Variants in LRRC4C observed in about 807,000 individuals in gnomAD.
LRRC4C encodes the protein leucine-rich repeat-containing protein 4C.
Under a neutral mutation model 33.6 loss-of-function variants are expected in LRRC4C, and 5 were observed. The observed-to-expected ratio is 0.15, with a 90% CI of 0.08 to 0.31. The LOEUF (loss-of-function observed/expected upper bound fraction) is 0.31, where lower values mean the gene tolerates loss of function less well. Among genes scored for constraint, LRRC4C ranks in the 10% least tolerant of loss-of-function variants. LRRC4C has a pLI of 1.00. For missense variants in LRRC4C, 560 were observed against 796.7 expected (o/e 0.70, Z 3.58); for synonymous variants, 329 against 302.0 (o/e 1.09, Z -0.93).
At chr11:41,137,172 C>A (rs931933443) in intron 1 of LRRC4C, among the ~76,000 whole-genome samples, 7 of 151,966 alleles carry the variant, frequency 4.6e-5, no homozygotes, top group African/African-American at 7.3e-5. Flanking sequence ...TGCTTGAACC[C>A]AGGAGGTCGC....
chr11:40,143,930 A>C (rs1167521607), intron 5 of LRRC4C, among the ~76,000 whole-genome samples: 4 of 152,174 alleles, frequency 2.6e-5, no homozygotes, highest in Admixed American at 2.0e-4. Context: ...GCCTTCCTTG[A>C]GGGCTTTTCT....
chr11:40,380,499 T>A (rs951532485), intron 3 of LRRC4C, among the ~76,000 whole-genome samples: 3 of 152,156 alleles, frequency 2.0e-5, no homozygotes, highest in Admixed American at 2.0e-4. Flanking sequence ...GTGTACTTAG[T>A]TCTTAATACT....
intron 2 of LRRC4C, among the ~76,000 whole-genome samples, chr11:40,660,464 T>G (rs1196928718): frequency 6.6e-6 from 1 of 152,214 alleles, no homozygotes; most frequent in Non-Finnish European, 1.5e-5. Context: ...TGCAGCCTTA[T>G]TAATGCATGG....
At chr11:40,841,560 C>T (rs1219774372) in intron 2 of LRRC4C, among the ~76,000 whole-genome samples, 1 of 152,168 alleles carries the variant, frequency 6.6e-6, no homozygotes, top group African/African-American at 2.4e-5. Flanking sequence ...CTTGAGGACA[C>T]AGCAAGAAGG....
chr11:41,368,287 A>G (rs892244337), intron 1 of LRRC4C, among the ~76,000 whole-genome samples: 4 of 152,162 alleles, frequency 2.6e-5, no homozygotes, highest in Non-Finnish European at 4.4e-5. Flanking sequence ...ATCCTGAGCA[A>G]TCAGTGTCCA....
chr11:40,735,987 C>G (rs59717939), intron 2 of LRRC4C, among the ~76,000 whole-genome samples: 2 of 147,462 alleles, frequency 1.4e-5, no homozygotes, highest in Admixed American at 6.8e-5. Flanking sequence ...ATGTCCTTCG[C>G]CCACTTATTG....
intron 3 of LRRC4C, among the ~76,000 whole-genome samples, chr11:40,452,478 G>A (rs1357298801): frequency 2.0e-5 from 3 of 152,136 alleles, no homozygotes; most frequent in Admixed American, 1.3e-4. Flanking sequence ...AAACCACAAT[G>A]AGATACCATC....
chr11:40,905,083 C>T (rs1232253590), intron 2 of LRRC4C, among the ~76,000 whole-genome samples: 1 of 152,090 alleles, frequency 6.6e-6, no homozygotes, highest in Non-Finnish European at 1.5e-5. Flanking sequence ...TGAAGTTGTA[C>T]AGGAGTGTAT....
At chr11:41,251,298 C>A (rs1948630264) in intron 1 of LRRC4C, among the ~76,000 whole-genome samples, 2 of 152,192 alleles carry the variant, frequency 1.3e-5, no homozygotes, top group African/African-American at 4.8e-5. Flanking sequence ...ACAAACTCTT[C>A]TAAATCTCAT....
At chr11:41,007,531 C>A (rs1854845511) in intron 1 of LRRC4C, among the ~76,000 whole-genome samples, 1 of 151,948 alleles carries the variant, frequency 6.6e-6, no homozygotes, top group African/African-American at 2.4e-5. Context: ...CTAGGAATTT[C>A]TCCTATAGAT....
intron 2 of LRRC4C, among the ~76,000 whole-genome samples, chr11:40,881,250 G>A (rs1383550015): frequency 6.6e-6 from 1 of 152,022 alleles, no homozygotes; most frequent in Non-Finnish European, 1.5e-5. Context: ...AGGAGGGACT[G>A]TTTTCTCTCC....
At chr11:40,558,753 A>G (rs1180174297) in intron 3 of LRRC4C, among the ~76,000 whole-genome samples, 1 of 152,098 alleles carries the variant, frequency 6.6e-6, no homozygotes, top group African/African-American at 2.4e-5. Flanking sequence ...TTTTTCTTAC[A>G]TGGGTAAACA....
Position 40,882,224 on chromosome 11 carries a change from A to T in LRRC4C, c.-407+51411T>A, listed in dbSNP as rs536672375. ...CAACCCCACAAGTGATCATCTGGAA[A>T]CAACAATTTGCTCATGTTATTTCTA... On this transcript the variant is annotated intron_variant, in intron 2 of 6. Coordinates refer to ENST00000528697, the MANE Select transcript of LRRC4C (RefSeq NM_001258419.2). Among the ~76,000 whole-genome samples, 18 of 152,212 alleles carry T rather than the reference A, an allele frequency of 1.2e-4. No homozygotes were observed. The South Asian group carries it at 3.5e-3, about 30-fold the overall frequency.
chr11:40,391,262 C>T (rs7940274), intron 3 of LRRC4C, among the ~76,000 whole-genome samples: 48,689 of 151,970 alleles, frequency 0.32, 9,244 homozygotes, highest in South Asian at 0.47. Flanking sequence ...ATACTCAGTA[C>T]GTAGTTGTTG....
At chr11:40,677,420 T>C (rs1319997036) in intron 2 of LRRC4C, among the ~76,000 whole-genome samples, 1 of 152,092 alleles carries the variant, frequency 6.6e-6, no homozygotes, top group Admixed American at 6.6e-5. Context: ...TATGAACATA[T>C]ATTAGATGTG....
chr11:40,998,405 T>C (rs546068274), intron 1 of LRRC4C, among the ~76,000 whole-genome samples: 24 of 152,188 alleles, frequency 1.6e-4, no homozygotes, highest in East Asian at 7.8e-4. Flanking sequence ...GTTCTAAATC[T>C]GGGATCTAAT....
At chr11:40,612,234 G>A (rs926806805) in intron 3 of LRRC4C, among the ~76,000 whole-genome samples, 1 of 151,846 alleles carries the variant, frequency 6.6e-6, no homozygotes, top group Non-Finnish European at 1.5e-5. Context: ...CTTATCAGCT[G>A]CTACTACATT....
chr11:40,614,069 T>G (rs1313111642), intron 3 of LRRC4C, among the ~76,000 whole-genome samples: 1 of 151,802 alleles, frequency 6.6e-6, no homozygotes, highest in East Asian at 1.9e-4. Flanking sequence ...GGCTTCAACT[T>G]AAGTCACCAG....
chr11:41,427,232 T>TA (rs1427154086), intron 1 of LRRC4C, among the ~76,000 whole-genome samples: 1 of 152,272 alleles, frequency 6.6e-6, no homozygotes, highest in East Asian at 1.9e-4. Flanking sequence ...GGAAGTTTAT[T>TA]AATTTGTTCA....
Sources: allele counts gnomAD v4.1 joint callset (sites outside exome capture counted in the v4.1 genomes callset), GRCh38; gene constraint gnomAD v4.1.1; transcripts MANE v1.5; gene names NCBI Gene and HGNC (gene_info 2026-07-23, HGNC 2026-07-21).